Variants in ARHGAP26 observed in about 807,000 individuals in gnomAD.
ARHGAP26 encodes the protein Rho GTPase activating protein 26, also known as rho GTPase-activating protein 26.
In ARHGAP26, 38 loss-of-function variants were observed where a neutral mutation model predicts 104.8. The observed-to-expected ratio is 0.36, with a 90% CI of 0.28 to 0.48. The LOEUF (loss-of-function observed/expected upper bound fraction) is 0.48. ARHGAP26 is among the 20% of genes least tolerant of loss of function. ARHGAP26 has a pLI of 0.99. For synonymous variants in ARHGAP26, 341 were observed against 340.0 expected (o/e 1.00, Z -0.03); for missense variants, 704 against 947.9 (o/e 0.74, Z 3.38).
intron 10 of ARHGAP26, among the ~76,000 whole-genome samples, chr5:142,918,837 G>C (rs536832792): frequency 6.6e-6 from 1 of 152,192 alleles, no homozygotes; most frequent in East Asian, 1.9e-4. Flanking sequence ...ATCTCAAACC[G>C]AAAACTTGCT....
At chr5:143,014,169 G>C in intron 12 of ARHGAP26, 53 bp downstream of exon 12, 1 of 1,600,432 alleles carries the variant, frequency 6.2e-7, no homozygotes, top group South Asian at 1.1e-5. Context: ...AGTAGGCTTT[G>C]AGAAGTTGCT....
At chr5:143,147,155 A>G in intron 19 of ARHGAP26, 76 bp from the exon 20 acceptor site, 1 of 1,472,232 alleles carries the variant, frequency 6.8e-7, no homozygotes, top group Non-Finnish European at 9.3e-7. Context: ...TATTCTTTAT[A>G]CATTTTTGTG....
At chr5:142,825,258 G>A (rs938511733) in intron 1 of ARHGAP26, among the ~76,000 whole-genome samples, 2 of 152,228 alleles carry the variant, frequency 1.3e-5, no homozygotes, top group Non-Finnish European at 2.9e-5. Flanking sequence ...ACAGTAACTT[G>A]TTATTGCTAC....
At chr5:143,049,976 G>C (rs911674291) in intron 14 of ARHGAP26, among the ~76,000 whole-genome samples, 2 of 152,164 alleles carry the variant, frequency 1.3e-5, no homozygotes, top group African/African-American at 2.4e-5. Flanking sequence ...TGATTTCATT[G>C]CCTGGATTAT....
chr5:143,112,079 C>T (rs1794845562), intron 17 of ARHGAP26, among the ~76,000 whole-genome samples: 1 of 152,216 alleles, frequency 6.6e-6, no homozygotes, highest in Non-Finnish European at 1.5e-5. Context: ...TGATGACATA[C>T]CTGTCCTCTT....
chr5:143,104,510 CA>C (rs891057851), intron 17 of ARHGAP26, among the ~76,000 whole-genome samples: 14 of 151,744 alleles, frequency 9.2e-5, no homozygotes, highest in Non-Finnish European at 1.2e-4. Context: ...GAACCTGTCT[CA>C]AAAAAACAAA....
intron 1 of ARHGAP26, among the ~76,000 whole-genome samples, chr5:142,780,383 A>G (rs1411119725): frequency 6.6e-6 from 1 of 152,158 alleles, no homozygotes; most frequent in African/African-American, 2.4e-5. Context: ...ACCAAAGGGT[A>G]TGTACATTTT....
intron 17 of ARHGAP26, among the ~76,000 whole-genome samples, chr5:143,070,767 G>A (rs957552134): frequency 6.6e-5 from 10 of 151,988 alleles, no homozygotes; most frequent in East Asian, 1.9e-4. Context: ...AAAATTAGCC[G>A]GGCATGGTGG....
At chr5:142,957,798 C>A (rs757320534) in intron 11 of ARHGAP26, among the ~76,000 whole-genome samples, 2 of 152,234 alleles carry the variant, frequency 1.3e-5, no homozygotes, top group Non-Finnish European at 2.9e-5. Flanking sequence ...AAAACTTCTG[C>A]CTATCAAAAC....
chr5:143,205,413 C>A (rs1354507748), intron 20 of ARHGAP26, among the ~76,000 whole-genome samples: 1 of 152,160 alleles, frequency 6.6e-6, no homozygotes, highest in Non-Finnish European at 1.5e-5. Context: ...CCAGACCGAA[C>A]ACTGGAGGCA....
At chr5:142,778,381 C>G (rs1394710671) in intron 1 of ARHGAP26, among the ~76,000 whole-genome samples, 2 of 152,174 alleles carry the variant, frequency 1.3e-5, no homozygotes, top group African/African-American at 2.4e-5. Context: ...AAAGCACCCC[C>G]TTTTCCTAGC....
intron 12 of ARHGAP26, among the ~76,000 whole-genome samples, chr5:143,027,404 G>T (rs1158403038): frequency 6.7e-6 from 1 of 148,186 alleles, no homozygotes; most frequent in Non-Finnish European, 1.5e-5. Flanking sequence ...GGTTGGTCTC[G>T]AATTCCTGAC....
At chr5:142,777,716 G>C (rs1274694747) in intron 1 of ARHGAP26, among the ~76,000 whole-genome samples, 1 of 152,178 alleles carries the variant, frequency 6.6e-6, no homozygotes, top group Non-Finnish European at 1.5e-5. Flanking sequence ...TTGGATGGAG[G>C]TAACCAATGT....
chr5:143,115,375 G>A (rs534599601), intron 17 of ARHGAP26, among the ~76,000 whole-genome samples: 56 of 150,928 alleles, frequency 3.7e-4, no homozygotes, highest in African/African-American at 1.3e-3. Context: ...AAGAAAAGAC[G>A]TACTATTATG....
intron 5 of ARHGAP26, among the ~76,000 whole-genome samples, chr5:142,893,941 GT>G (rs67423184): frequency 0.041 from 5,707 of 140,000 alleles, 111 homozygotes; most frequent in South Asian, 0.059. Flanking sequence ...TTATTTGTGG[GT>G]TTTTTTTTTT....
chr5:142,791,735 G>A (rs540095222), intron 1 of ARHGAP26, among the ~76,000 whole-genome samples: 4 of 152,108 alleles, frequency 2.6e-5, no homozygotes, highest in African/African-American at 7.2e-5. Flanking sequence ...AGGCCAAGGC[G>A]GGTGGATCAC....
intron 20 of ARHGAP26, among the ~76,000 whole-genome samples, chr5:143,158,899 A>G (rs1800845380): frequency 6.6e-6 from 1 of 151,382 alleles, no homozygotes; most frequent in African/African-American, 2.4e-5. Context: ...AAACAAAGGC[A>G]AAGGTGTTCA....
chr5:143,170,905 G>C (rs987332933), intron 20 of ARHGAP26, among the ~76,000 whole-genome samples: 1 of 152,104 alleles, frequency 6.6e-6, no homozygotes, highest in Non-Finnish European at 1.5e-5. Flanking sequence ...TCCATTCTCT[G>C]GTATCGTTCA....
At chr5:143,049,338 T>G (rs372003847) in intron 14 of ARHGAP26, among the ~76,000 whole-genome samples, 4 of 152,226 alleles carry the variant, frequency 2.6e-5, no homozygotes, top group African/African-American at 9.6e-5. Context: ...GATTATTATT[T>G]TGCTGTTTAT....
Sources: gnomAD v4.1 joint callset for allele counts (sites outside exome capture counted in the v4.1 genomes callset) on GRCh38, gnomAD v4.1.1 for gene constraint, MANE v1.5 for transcripts, NCBI Gene and HGNC (gene_info 2026-07-23, HGNC 2026-07-21) for gene names.